The following FAM50A variants were observed in gnomAD, a reference collection of about 807,000 sequenced individuals.
FAM50A encodes protein FAM50A.
A neutral mutation model predicts 35.5 loss-of-function variants in FAM50A; 6 were observed. The ratio of observed to expected loss-of-function variants is 0.17; its 90% CI spans 0.09 to 0.33. The LOEUF (loss-of-function observed/expected upper bound fraction) is 0.33. Ranked by LOEUF, FAM50A falls within the 10% of genes least tolerant of loss-of-function variation. The pLI is 1.00. For missense variants in FAM50A, 145 were observed against 295.5 expected, an observed-to-expected ratio of 0.49 and a Z score of 3.73; for synonymous variants, 120 against 110.9, an observed-to-expected ratio of 1.08 and a Z score of -0.52.
At chrX:154,446,058 C>T in intron 3 of FAM50A, 147 bp downstream of exon 3, 1 of 469,600 alleles carries the variant, frequency 2.1e-6, no homozygotes, top group East Asian at 3.7e-5. Flanking sequence ...ATTTCTCTCT[C>T]CCGCCTCCTC....
rs200500112 is a variant in FAM50A at position 154,450,013 on chromosome X, C to G, written c.830-16C>G. The G allele has an allele frequency of 7.4e-6, 9 of 1,210,564 alleles. No homozygotes were observed. Among genetic ancestry groups the G allele is most frequent in the Non-Finnish European group, 1.0e-5 (9 of 894,319 alleles). ...GGGCAGCAGCGGGACATTGGGCTGT[C>G]ACTTCTCCCCTGCAGGACCACTCTT... On this transcript the variant is annotated splice_polypyrimidine_tract_variant and intron_variant, in intron 10 of 12. Coordinates refer to ENST00000393600, the MANE Select transcript of FAM50A (RefSeq NM_004699.4).
chrX:154,448,490 C>T lies in FAM50A; in HGVS notation c.449C>T (p.Thr150Ile). Reference protein sequence around the residue: ...YEEEMEREEITTKKRKLGKNP... With the variant: ...YEEEMEREEIITKKRKLGKNP... ...CGGCTTCCTTTTGTTCCAGAGATCA[C>T]CACGAAGAAGAGAAAACTGGGGAAG... The change falls in exon 5 of 13, where the codon ACC becomes ATC. Residue 150 changes from threonine (T) to isoleucine (I), a missense_variant. Thr to Ile is a moderately conservative substitution (Grantham distance 89). This residue lies in a region of FAM50A where 32 missense variants were observed against 22.9 expected (regional missense o/e 1.40). Coordinates refer to ENST00000393600, the MANE Select transcript of FAM50A (RefSeq NM_004699.4). 5.8e-6 allele frequency: 7 copies of T among 1,207,289 alleles called. No individual in the cohort carries two copies. The highest frequency in any genetic ancestry group is 1.7e-5 in the African/African-American group (1 of 57,522).
rs782408460 is a variant in FAM50A at position 154,450,482 on chromosome X, C to T, written c.*50C>T. ...GGCTCCTCAGCTCCCTCAGTGTGCC[C>T]CGTGGTGTCACCGGGACTCCAGGCA... is the stretch of plus-strand genomic sequence containing the variant. On this transcript the variant is annotated 3_prime_UTR_variant, in exon 13 of 13. Transcript: ENST00000393600. 4.2e-6 allele frequency: 5 copies of T among 1,184,684 alleles called. No individual in the cohort carries two copies. The highest frequency in any genetic ancestry group is 3.0e-5 in the East Asian group (1 of 33,481).
At chrX:154,448,159 C>T (rs781957024) in intron 4 of FAM50A, among the ~76,000 whole-genome samples, 4 of 104,986 alleles carry the variant, frequency 3.8e-5, no homozygotes, top group Admixed American at 1.0e-4. Flanking sequence ...GCCCCGACCT[C>T]GCAGGCTCAA....
intron 3 of FAM50A, 48 bp from the exon 4 acceptor site, chrX:154,446,367 G>A: frequency 8.7e-7 from 1 of 1,144,199 alleles, no homozygotes; most frequent in South Asian, 1.8e-5. Context: ...GGCTGGGTCA[G>A]GGTCGGGAAG....
rs2068799247 is a variant in FAM50A, at chrX:154,450,094, G to A, written c.895G>A (p.Asp299Asn). 2.5e-6 allele frequency: 3 copies of A among 1,210,332 alleles called. No homozygotes were observed. Among genetic ancestry groups the A allele is most frequent in the Non-Finnish European group, 3.4e-6 (3 of 894,371 alleles). Residue 299 changes from aspartate (D) to asparagine (N), a missense_variant, in exon 11 of 13, where the codon GAT (aspartate) becomes AAT (asparagine). By Grantham distance (23) the Asp-to-Asn change is conservative (BLOSUM62 1). This residue lies in a region of FAM50A where 59 missense variants were observed against 164.5 expected (regional missense o/e 0.36). Coordinates refer to ENST00000393600, the MANE Select transcript of FAM50A (RefSeq NM_004699.4). ...GCTCAGTGACGCCACTGTGGAGAAG[G>A]ATGAGGTACAGCGTAGGGGGCCGTG... Reference protein sequence around the residue: ...RLLSDATVEKDESHAGKVVLR... With the variant: ...RLLSDATVEKNESHAGKVVLR...
At chrX:154,446,857 G>A (rs1297274729) in intron 4 of FAM50A, among the ~76,000 whole-genome samples, 4 of 112,509 alleles carry the variant, frequency 3.6e-5, no homozygotes, top group African/African-American at 6.5e-5. Context: ...TTGTTTCAGC[G>A]TAAATGTATA....
chrX:154,445,617 C>T lies in FAM50A; in HGVS notation c.112-16C>T, dbSNP rs782787637. ...CAGTGAGGGGTGGTTCTCATGGTGG[C>T]TGTCACTCCCCGCAGGAGAACATCA... On this transcript the variant is annotated splice_polypyrimidine_tract_variant and intron_variant, in intron 1 of 12. Transcript: ENST00000393600. 100 of 1,185,616 alleles carry T rather than the reference C, an allele frequency of 8.4e-5. No homozygotes were observed. The highest frequency in any genetic ancestry group is 1.1e-4 in the Non-Finnish European group (95 of 874,199).
At chrX:154,446,000 C>A (rs1557199780) in intron 3 of FAM50A, 89 bp downstream of exon 3, 1 of 667,673 alleles carries the variant, frequency 1.5e-6, no homozygotes, top group Admixed American at 2.8e-5. Context: ...CTGGGGGGGA[C>A]CCTGTCTCCA....
chrX:154,449,073 C>T (rs964447883), intron 7 of FAM50A, 119 bp downstream of exon 7: 9 of 901,680 alleles, frequency 1.0e-5, no homozygotes, highest in Non-Finnish European at 1.4e-5. Context: ...TAACTGGCTC[C>T]AGGGCCTGGC....
At chrX:154,448,447 TA>T in intron 4 of FAM50A, 36 bp from the exon 5 acceptor site, 1 of 1,140,864 alleles carries the variant, frequency 8.8e-7, no homozygotes, top group Non-Finnish European at 1.2e-6. Flanking sequence ...ATCATTTTTA[TA>T]ATAATGCTAT....
Position 154,449,663 on chromosome X carries a change from C to T in FAM50A, c.726-18C>T, listed in dbSNP as rs1557200286. 8.3e-7 allele frequency: 1 copy of T among 1,206,795 alleles called. No individual in the cohort carries two copies. Among genetic ancestry groups the T allele is most frequent in the South Asian group, 1.8e-5 (1 of 56,641 alleles). ...GGTGCTGTCCTCTTGCCCACGCCCTCCTGCCTTCCTCCCTCAGGTCCGCAG... is the reference window on the plus strand; with the variant it reads ...GGTGCTGTCCTCTTGCCCACGCCCTTCTGCCTTCCTCCCTCAGGTCCGCAG... On this transcript the variant is annotated intron_variant, in intron 8 of 12. Coordinates refer to ENST00000393600, the MANE Select transcript of FAM50A (RefSeq NM_004699.4).
Position 154,449,666 on chromosome X carries a change from G to T in FAM50A, c.726-15G>T. The T allele has an allele frequency of 8.3e-7, 1 of 1,207,745 alleles. No homozygotes were observed. Among genetic ancestry groups the T allele is most frequent in the Non-Finnish European group, 1.1e-6 (1 of 892,214 alleles). On this transcript the variant is annotated splice_polypyrimidine_tract_variant and intron_variant, in intron 8 of 12. Coordinates refer to ENST00000393600, the MANE Select transcript of FAM50A (RefSeq NM_004699.4). ...GCTGTCCTCTTGCCCACGCCCTCCTGCCTTCCTCCCTCAGGTCCGCAGGGG... is the reference window on the plus strand; with the variant it reads ...GCTGTCCTCTTGCCCACGCCCTCCTTCCTTCCTCCCTCAGGTCCGCAGGGG...
Position 154,444,162 on chromosome X carries a change from C to CGCCGCTGCCGCT in FAM50A, c.-66_-55dup, listed in dbSNP as rs1238847123. On this transcript the variant is annotated 5_prime_UTR_variant, in exon 1 of 13. Transcript: ENST00000393600. ...CGTCAGCTGACTGTTCGGCCGCCAC[C>CGCCGCTGCCGCT]GCCGCTGCCGCTGCCGCTGTCGCTG... 29 of 320,950 alleles carry CGCCGCTGCCGCT rather than the reference C, an allele frequency of 9.0e-5. No homozygotes were observed. The highest frequency in any genetic ancestry group is 1.2e-4 in the Non-Finnish European group (29 of 243,564). 26.4% of individuals were successfully genotyped at this position (320,950 alleles called of 1,213,427 possible).
Position 154,448,904 on chromosome X carries a change from G to A in FAM50A, c.598G>A (p.Glu200Lys), listed in dbSNP as rs2068793038. 1 of 1,210,924 alleles carries A rather than the reference G, an allele frequency of 8.3e-7. No individual in the cohort carries two copies. Among genetic ancestry groups the A allele is most frequent in the Non-Finnish European group, 1.1e-6 (1 of 894,547 alleles). Reference protein sequence around the residue: ...KQEKIKSEEIEITFSYWDGSG... With the variant: ...KQEKIKSEEIKITFSYWDGSG... ...GCTCTGCCTTGTAGGTGAGGAGATC[G>A]AGATCACCTTCAGCTACTGGGATGG... is the stretch of plus-strand genomic sequence containing the variant. Residue 200 changes from glutamate (E) to lysine (K), a missense_variant, in exon 7 of 13, where the codon GAG (glutamate) becomes AAG (lysine). Glu to Lys is a moderately conservative substitution (Grantham distance 56). Coordinates refer to ENST00000393600, the MANE Select transcript of FAM50A (RefSeq NM_004699.4).
chrX:154,446,300 A>T, intron 3 of FAM50A, 115 bp from the exon 4 acceptor site: 1 of 686,096 alleles, frequency 1.5e-6, no homozygotes, highest in South Asian at 2.4e-5. Context: ...ATGGGGACCC[A>T]GCCTGGGCTG....
At position 154,450,041 on chromosome X, in the gene FAM50A, A is replaced by G; in HGVS notation, c.842A>G (p.Asn281Ser). The G allele has an allele frequency of 8.3e-7, 1 of 1,210,934 alleles. No individual in the cohort carries two copies. The change falls in exon 11 of 13, where the codon AAC (asparagine) becomes AGC (serine). Residue 281 changes from asparagine (N) to serine (S), a missense_variant. Asn to Ser is a conservative substitution (Grantham distance 46, BLOSUM62 1). Transcript: ENST00000393600. ...TTCTCCCCTGCAGGACCACTCTTCA[A>G]CTTTGATGTTCATGACGATGTGCGG... ...KARGKSGPLF[N>S]FDVHDDVRLL...
Position 154,446,529 on chromosome X carries a change from G to A in FAM50A, c.411G>A (p.Ala137=), listed in dbSNP as rs782251924. 1.0e-5 allele frequency: 12 copies of A among 1,185,477 alleles called. No individual in the cohort carries two copies. The highest frequency in any genetic ancestry group is 7.4e-5 in the South Asian group (4 of 53,750). The change falls in exon 4 of 13, where the codon GCG becomes GCA. Residue 137 remains alanine (A), a synonymous_variant. Coordinates refer to ENST00000393600, the MANE Select transcript of FAM50A (RefSeq NM_004699.4). ...AGGGAGGCGAGGAGGAAGAGGAGGC[G>A]GCCATGTATGAGGAGGAGATGGAAA... is the stretch of plus-strand genomic sequence containing the variant. The part of the protein sequence containing the change: ...EEEGGEEEEE[A]AMYEEEMERE...
Position 154,446,641 on chromosome X carries a change from A to G in FAM50A, c.442+81A>G, listed in dbSNP as rs945521184. The G allele has an allele frequency of 1.8e-5, 20 of 1,094,109 alleles. No individual in the cohort carries two copies. In the African/African-American group the frequency reaches 2.8e-4, roughly 16 times the overall value. The allele number at this position is 1,094,109 out of a possible 1,213,427, so 90.2% of individuals were successfully genotyped here. ...ATGTGAGAGGCTGTCAGCAAAGCTGATGCCCTGTCAAGATGGCTCCAAAAG... is the reference window on the plus strand; with the variant it reads ...ATGTGAGAGGCTGTCAGCAAAGCTGGTGCCCTGTCAAGATGGCTCCAAAAG... On this transcript the variant is annotated intron_variant, in intron 4 of 12. Transcript: ENST00000393600.
Sources: allele counts gnomAD v4.1 joint callset (sites outside exome capture counted in the v4.1 genomes callset), GRCh38; gene constraint gnomAD v4.1.1; regional missense constraint gnomAD v4.1.1; transcripts MANE v1.5; gene names NCBI Gene and HGNC (gene_info 2026-07-23, HGNC 2026-07-21).